The following AFAP1L1 variants were observed in gnomAD, a reference collection of about 807,000 sequenced individuals.
AFAP1L1 encodes the protein actin filament-associated protein 1-like 1.
In AFAP1L1, 77 loss-of-function variants were observed where a neutral mutation model predicts 99.8. The ratio of observed to expected loss-of-function variants is 0.77; its 90% confidence interval spans 0.64 to 0.93. The LOEUF is 0.93. Ranked by LOEUF, AFAP1L1 falls within the 40% of genes least tolerant of loss-of-function variation. The probability of loss-of-function intolerance (pLI) is 0.00; values close to 1 mark genes in which losing one functional copy is unlikely to be tolerated. For synonymous variants in AFAP1L1, 373 were observed against 395.3 expected (o/e 0.94, Z 0.67); for missense variants, 893 against 996.8 (o/e 0.90, Z 1.40).
chr5:149,299,485 G>A, intron 1 of AFAP1L1, 24 bp from the exon 2 acceptor site: 4 of 1,613,356 alleles, frequency 2.5e-6, no homozygotes, highest in Non-Finnish European at 3.4e-6. Flanking sequence ...AGCTGTGACT[G>A]TGCCCGTCTG....
chr5:149,308,886 G>A (rs1036418003), intron 7 of AFAP1L1, among the ~76,000 whole-genome samples: 13 of 151,648 alleles, frequency 8.6e-5, no homozygotes, highest in Admixed American at 7.9e-4. Flanking sequence ...CTTGAAGCTA[G>A]GAGTTCGAAA....
chr5:149,289,226 A>G (rs1755778500), intron 1 of AFAP1L1, among the ~76,000 whole-genome samples: 1 of 152,030 alleles, frequency 6.6e-6, no homozygotes, highest in Admixed American at 6.5e-5. Context: ...TCTTCCCACT[A>G]TTTTTTGCCT....
chr5:149,293,690 G>A (rs1331256020), intron 1 of AFAP1L1, among the ~76,000 whole-genome samples: 1 of 152,192 alleles, frequency 6.6e-6, no homozygotes, highest in Non-Finnish European at 1.5e-5. Flanking sequence ...GTTGTGGAAA[G>A]TATTAGAAAA....
intron 1 of AFAP1L1, among the ~76,000 whole-genome samples, chr5:149,283,529 C>T (rs1755585881): frequency 6.6e-6 from 1 of 151,806 alleles, no homozygotes; most frequent in Non-Finnish European, 1.5e-5. Flanking sequence ...TCAGAACATA[C>T]CTTACAATTG....
At position 149,278,590 on chromosome 5, in the gene AFAP1L1, G is replaced by A. The variant is rs558252946; in HGVS notation, c.16+6606G>A. Among the ~76,000 whole-genome samples the A allele has an allele frequency of 2.0e-5, 3 of 152,208 alleles. No homozygotes were observed. The South Asian group carries it at 6.2e-4, about 32-fold the overall frequency. On this transcript the variant is annotated intron_variant, in intron 1 of 18. Transcript: ENST00000296721. ...TCCCTGCCCCATCCCAATGTTATAG[G>A]TGCTCATAGCCTCTAGGCCTCTCCC...
In AFAP1L1 at chr5:149,316,319, G is replaced by A. The variant is rs754840996; in HGVS notation, c.1267+16G>A. On this transcript the variant is annotated intron_variant, in intron 11 of 18. Transcript: ENST00000296721. ...CCCTGCTGTGGTGGGTCCAGGGCAC[G>A]GGGAGGAAGGGTGCTCAGGTCCTGT... 7.5e-6 allele frequency: 12 copies of A among 1,609,992 alleles called. No homozygotes were observed. The highest frequency in any genetic ancestry group is 5.0e-5 in the Admixed American group (3 of 59,876).
rs1231632852 is a variant in AFAP1L1, at chr5:149,335,726, G to A, written c.2283+4G>A. On this transcript the variant is annotated splice_donor_region_variant and intron_variant, in intron 18 of 18. Coordinates refer to ENST00000296721, the MANE Select transcript of AFAP1L1 (RefSeq NM_152406.4). ...AAGGGTGCTACAGAAAGCCAAGGTA[G>A]AGCCATAGTTCTGCTCCTCAAAAAT... 5 of 1,613,824 alleles carry A rather than the reference G, an allele frequency of 3.1e-6. No individual in the cohort carries two copies. The highest frequency in any genetic ancestry group is 2.2e-5 in the East Asian group (1 of 44,874).
At chr5:149,299,483 C>T (rs768851735) in intron 1 of AFAP1L1, 26 bp from the exon 2 acceptor site, 12 of 1,613,206 alleles carry the variant, frequency 7.4e-6, no homozygotes, top group Non-Finnish European at 1.0e-5. Flanking sequence ...GCAGCTGTGA[C>T]TGTGCCCGTC....
At chr5:149,323,778 G>A (rs138017267) in intron 15 of AFAP1L1, among the ~76,000 whole-genome samples, 60 of 152,276 alleles carry the variant, frequency 3.9e-4, no homozygotes, top group Middle Eastern at 3.4e-3. Context: ...TCAGAAGGTT[G>A]TTGTGTAACT....
At chr5:149,293,770 A>G (rs762019422) in intron 1 of AFAP1L1, among the ~76,000 whole-genome samples, 1 of 152,236 alleles carries the variant, frequency 6.6e-6, no homozygotes, top group Non-Finnish European at 1.5e-5. Flanking sequence ...GCACGGTGCC[A>G]TGCAAAGTGC....
intron 9 of AFAP1L1, among the ~76,000 whole-genome samples, chr5:149,314,096 G>A (rs1470005072): frequency 2.0e-5 from 3 of 152,216 alleles, no homozygotes; most frequent in African/African-American, 7.2e-5. Context: ...AGATTTCACT[G>A]AGGCAGAGGT....
intron 1 of AFAP1L1, among the ~76,000 whole-genome samples, chr5:149,288,191 AG>A: frequency 6.6e-6 from 1 of 152,320 alleles, no homozygotes; most frequent in East Asian, 1.9e-4. Flanking sequence ...CAAGCTTTGC[AG>A]GTAGGAGACA....
At chr5:149,325,490 G>T (rs1757070762) in intron 15 of AFAP1L1, among the ~76,000 whole-genome samples, 1 of 152,182 alleles carries the variant, frequency 6.6e-6, no homozygotes, top group South Asian at 2.1e-4. Context: ...CAAAGGCTTT[G>T]CCCCAGGTAG....
In AFAP1L1 at chr5:149,272,865, GC is replaced by G. The variant is rs1181493422; in HGVS notation, c.16+882del. ...TTAGAGGCATGCGCCACCACACCCG[GC>G]TAATTTTTGTATTTTTAACAGAGAC... is the stretch of plus-strand genomic sequence containing the variant. On this transcript the variant is annotated intron_variant, in intron 1 of 18. Coordinates refer to ENST00000296721, the MANE Select transcript of AFAP1L1 (RefSeq NM_152406.4). Among the ~76,000 whole-genome samples the G allele has an allele frequency of 3.9e-5, 6 of 152,204 alleles. No homozygotes were observed. The East Asian group carries it at 1.2e-3, about 29-fold the overall frequency.
At chr5:149,326,668 A>G (rs1302649562) in intron 15 of AFAP1L1, among the ~76,000 whole-genome samples, 1 of 152,116 alleles carries the variant, frequency 6.6e-6, no homozygotes, top group Non-Finnish European at 1.5e-5. Context: ...TATCCTGTAA[A>G]GGGGCTGAAT....
At chr5:149,323,403 A>C (rs1222167642) in intron 15 of AFAP1L1, among the ~76,000 whole-genome samples, 1 of 152,230 alleles carries the variant, frequency 6.6e-6, no homozygotes, top group African/African-American at 2.4e-5. Flanking sequence ...CTCTGTTGTA[A>C]ATTCTCTTTT....
At chr5:149,337,395 CA>C (rs1236310657) in intron 18 of AFAP1L1, among the ~76,000 whole-genome samples, 3 of 151,804 alleles carry the variant, frequency 2.0e-5, no homozygotes, top group South Asian at 4.1e-4. Context: ...TATGTCAAAT[CA>C]AAAAAATAGT....
At chr5:149,338,667 G>C (rs1358969255) in intron 18 of AFAP1L1, among the ~76,000 whole-genome samples, 1 of 152,224 alleles carries the variant, frequency 6.6e-6, no homozygotes, top group Non-Finnish European at 1.5e-5. Context: ...TGGTCTCATA[G>C]AGTTGGGAAG....
intron 4 of AFAP1L1, among the ~76,000 whole-genome samples, chr5:149,302,094 G>A (rs937424475): frequency 2.0e-5 from 3 of 152,216 alleles, no homozygotes; most frequent in Non-Finnish European, 4.4e-5. Flanking sequence ...TCGTGTGTGT[G>A]TAGACGTGGT....
Sources: allele counts gnomAD v4.1 joint callset (sites outside exome capture counted in the v4.1 genomes callset), GRCh38; gene constraint gnomAD v4.1.1; transcripts MANE v1.5; gene names NCBI Gene and HGNC (gene_info 2026-07-23, HGNC 2026-07-21).